The following PIK3CD variants were observed in gnomAD, a reference collection of about 807,000 sequenced individuals.
The protein encoded by PIK3CD is phosphatidylinositol-4,5-bisphosphate 3-kinase catalytic subunit delta.
In PIK3CD, 20 loss-of-function variants were observed where a neutral mutation model predicts 122.9. The ratio of observed to expected loss-of-function variants is 0.16; its 90% CI spans 0.11 to 0.24. PIK3CD has a LOEUF of 0.24. Among genes scored for constraint, PIK3CD ranks in the 10% least tolerant of loss-of-function variants. The pLI is 1.00. For missense variants in PIK3CD, 787 were observed against 1,406.3 expected (o/e 0.56, Z 7.04); for synonymous variants, 596 against 593.4 (o/e 1.00, Z -0.06).
In PIK3CD at chr1:9,689,410, T is replaced by TG. The variant is rs1240973292; in HGVS notation, c.-137-2052dup. On this transcript the variant is annotated intron_variant, in intron 1 of 23. Coordinates refer to ENST00000377346, the MANE Select transcript of PIK3CD (RefSeq NM_005026.5). The surrounding 1 kb of genome is among the most constrained non-coding windows in gnomAD (Gnocchi z 6.1). ...TGTGAGCTCGGGCGCTTCTCCCGGC[T>TG]GGGGGTGTGAGAATTTGCCGACGGT... Among the ~76,000 whole-genome samples, 1 of 151,286 alleles carries TG rather than the reference T, an allele frequency of 6.6e-6. No individual in the cohort carries two copies. The highest frequency in any genetic ancestry group is 2.4e-5 in the African/African-American group (1 of 41,294).
chr1:9,648,325 A>G (rs897735221), upstream of PIK3CD, among the ~76,000 whole-genome samples: 6 of 152,246 alleles, frequency 3.9e-5, no homozygotes, highest in African/African-American at 9.6e-5. Flanking sequence ...AGCATCTTGC[A>G]TAGTAAAAAG....
In PIK3CD at chr1:9,704,764, T is replaced by C. The variant is rs556809281; in HGVS notation, c.-32-5660T>C. 3.6e-4 allele frequency among the ~76,000 whole-genome samples: 55 copies of C among 152,372 alleles called. No homozygotes were observed. The highest frequency in any genetic ancestry group is 1.3e-3 in the African/African-American group (55 of 41,592). On this transcript the variant is annotated intron_variant, in intron 2 of 23. Transcript: ENST00000377346. This position sits in a 1 kb window ranked among gnomAD's most constrained non-coding sequence, Gnocchi z 5.0. ...CTGAGCTCAAAGTGATCCACTGGCC[T>C]CAGCCTCCCAAAGTGCTGGGATTAC...
chr1:9,654,335 G>A lies in PIK3CD; in HGVS notation c.-138+2533G>A, dbSNP rs757851652. The A allele has an allele frequency of 3.7e-6, 5 of 1,367,732 alleles. No individual in the cohort carries two copies. In the South Asian group the frequency reaches 5.7e-5, roughly 16 times the overall value. The allele number at this position is 1,367,732 out of a possible 1,614,324, so 84.7% of individuals were successfully genotyped here. A position where few individuals can be genotyped will look rare whatever the true frequency, so the allele number is the denominator to read the frequency against. ...GCCAGGTCTTTGCACTAAGCTGTGG[G>A]CTCCGTTTCTCCTCCGATACCATGT... On this transcript the variant is annotated intron_variant, in intron 1 of 23. Coordinates refer to ENST00000377346, the MANE Select transcript of PIK3CD (RefSeq NM_005026.5).
chr1:9,650,405 G>T (rs1176070182), upstream of PIK3CD, among the ~76,000 whole-genome samples: 3 of 152,080 alleles, frequency 2.0e-5, no homozygotes, highest in Non-Finnish European at 4.4e-5. Context: ...CTGGGCAACA[G>T]AACAAGATTC....
In PIK3CD at chr1:9,723,959, C is replaced by T; in HGVS notation, c.2595-10C>T. 6.2e-7 allele frequency: 1 copy of T among 1,614,032 alleles called. No individual in the cohort carries two copies. Among genetic ancestry groups the T allele is most frequent in the Non-Finnish European group, 8.5e-7 (1 of 1,179,932 alleles). On this transcript the variant is annotated splice_polypyrimidine_tract_variant and intron_variant, in intron 20 of 23. Coordinates refer to ENST00000377346, the MANE Select transcript of PIK3CD (RefSeq NM_005026.5). This position sits in a 1 kb window ranked among gnomAD's most constrained non-coding sequence, Gnocchi z 4.9. ...TGGTATGGCCATGCTTTTTAATCTT[C>T]CCCACCCAGGGAGGCCCTGGATCGA...
intron 1 of PIK3CD, among the ~76,000 whole-genome samples, chr1:9,657,229 C>T (rs781518700): frequency 2.0e-5 from 3 of 152,152 alleles, no homozygotes; most frequent in African/African-American, 4.8e-5. Flanking sequence ...AGATAGAAAT[C>T]ATTTCAAGAT....
At chr1:9,685,102 T>C (rs547295805) in intron 1 of PIK3CD, among the ~76,000 whole-genome samples, 2 of 151,716 alleles carry the variant, frequency 1.3e-5, no homozygotes, top group East Asian at 3.9e-4. Context: ...GGGGTGAGAG[T>C]CTCAAAGATA....
chr1:9,686,778 TC>T (rs1295159218), intron 1 of PIK3CD, among the ~76,000 whole-genome samples: 15 of 152,258 alleles, frequency 9.9e-5, no homozygotes, highest in Admixed American at 9.8e-4. Context: ...GACTGGTTTT[TC>T]CTCCATCTCT....
chr1:9,637,977 G>A, the PIK3CD span, among the ~76,000 whole-genome samples: 32 of 152,114 alleles, frequency 2.1e-4, 1 homozygote, highest in East Asian at 3.7e-3. Context: ...CATGGTGGCA[G>A]GCGCCTGTAG....
chr1:9,726,885 G>C (rs750474461), intron 23 of PIK3CD, 24 bp from the exon 24 acceptor site: 22 of 1,613,562 alleles, frequency 1.4e-5, no homozygotes, highest in Non-Finnish European at 1.8e-5. Flanking sequence ...CCTTAACGTG[G>C]ACACCGCTGT....
intron 1 of PIK3CD, chr1:9,653,853 C>T (rs1175013292): frequency 7.3e-7 from 1 of 1,367,490 alleles, no homozygotes; most frequent in Non-Finnish European, 9.8e-7. Flanking sequence ...GCTTGGTCCT[C>T]TTTTGGTGCT....
Position 9,722,131 on chromosome 1 carries a change from A to C in PIK3CD, c.2212A>C (p.Ser738Arg). Reference protein sequence around the residue: ...LSHLQSPLDPSTLLAEVCVEQ... With the variant: ...LSHLQSPLDPRTLLAEVCVEQ... ...CCACCTGCAGTCCCCACTCGACCCC[A>C]GCACCCTGCTGGCTGAAGTCTGGTG... Residue 738 changes from serine to arginine, a missense_variant, in exon 17 of 24, where the codon AGC (serine) becomes CGC (arginine). Coordinates refer to ENST00000377346, the MANE Select transcript of PIK3CD (RefSeq NM_005026.5). The surrounding 1 kb of genome is among the most constrained non-coding windows in gnomAD (Gnocchi z 7.6). The C allele has an allele frequency of 1.2e-6, 2 of 1,613,076 alleles. No individual in the cohort carries two copies. The highest frequency in any genetic ancestry group is 1.7e-6 in the Non-Finnish European group (2 of 1,179,876).
chr1:9,634,633 A>T, the PIK3CD span, among the ~76,000 whole-genome samples: 22 of 152,298 alleles, frequency 1.4e-4, no homozygotes, highest in African/African-American at 5.3e-4. Context: ...TTTGAGTCCC[A>T]TGAGGTCACT....
At chr1:9,667,591 T>C (rs1264046128) in intron 1 of PIK3CD, among the ~76,000 whole-genome samples, 2 of 151,732 alleles carry the variant, frequency 1.3e-5, no homozygotes, top group East Asian at 2.0e-4. Flanking sequence ...TTAGCCAGGA[T>C]AGTCTCCATC....
At chr1:9,702,638 A>AGCCTCCCGAG (rs1646690469) in intron 2 of PIK3CD, among the ~76,000 whole-genome samples, 1 of 145,740 alleles carries the variant, frequency 6.9e-6, no homozygotes, top group Non-Finnish European at 1.5e-5. Context: ...CTCCTGCCTC[A>AGCCTCCCGAG]GCCTCCCGAG....
intron 2 of PIK3CD, among the ~76,000 whole-genome samples, chr1:9,699,852 C>G (rs1646562154): frequency 6.6e-6 from 1 of 152,226 alleles, no homozygotes; most frequent in African/African-American, 2.4e-5. Context: ...CTCGGCCTCC[C>G]AAAGTGCTGG....
chr1:9,627,818 C>T, the PIK3CD span, among the ~76,000 whole-genome samples: 3 of 152,140 alleles, frequency 2.0e-5, no homozygotes, highest in Admixed American at 6.6e-5. Context: ...AGAGGAGGGG[C>T]CTTCGATGCT....
chr1:9,708,046 G>A (rs992741352), intron 2 of PIK3CD, among the ~76,000 whole-genome samples: 26 of 151,748 alleles, frequency 1.7e-4, no homozygotes, highest in African/African-American at 5.6e-4. Flanking sequence ...CACTCGCCTC[G>A]GCCTCCCAAA....
At chr1:9,651,975 C>T (rs931346901) in intron 1 of PIK3CD, among the ~76,000 whole-genome samples, 173 bp downstream of exon 1, 5 of 151,910 alleles carry the variant, frequency 3.3e-5, no homozygotes, top group African/African-American at 1.2e-4. Context: ...CGAGCCGGGT[C>T]CTGGGAGCCC....
Sources: allele counts gnomAD v4.1 joint callset (sites outside exome capture counted in the v4.1 genomes callset), GRCh38; gene constraint gnomAD v4.1.1; non-coding constraint Gnocchi (gnomAD v3.1); transcripts MANE v1.5; gene names NCBI Gene and HGNC (gene_info 2026-07-23, HGNC 2026-07-21).